The following PLPP1 variants were observed in gnomAD, a reference collection of about 807,000 sequenced individuals.
The protein encoded by PLPP1 is phospholipid phosphatase 1.
PLPP1 carries 24 observed loss-of-function variants against 31.2 expected under a neutral mutation model. The ratio of observed to expected loss-of-function variants is 0.77; its 90% CI spans 0.56 to 1.08. The LOEUF is 1.08. Ranked by LOEUF, PLPP1 falls within the 50% of genes least tolerant of loss-of-function variation. The probability of loss-of-function intolerance (pLI) is 0.00; values close to 1 mark genes in which losing one functional copy is unlikely to be tolerated. For missense variants in PLPP1, 319 were observed against 342.7 expected, an observed-to-expected ratio of 0.93 and a Z score of 0.55; for synonymous variants, 146 against 126.3, an observed-to-expected ratio of 1.16 and a Z score of -1.05.
intron 4 of PLPP1, among the ~76,000 whole-genome samples, chr5:55,430,360 G>A (rs572627382): frequency 3.2e-4 from 48 of 152,338 alleles, no homozygotes; most frequent in African/African-American, 1.1e-3. Context: ...TGCTCAGCCT[G>A]CTGCTGCCAC....
intron 1 of PLPP1, among the ~76,000 whole-genome samples, chr5:55,502,316 G>A (rs1303454931): frequency 3.9e-5 from 6 of 152,030 alleles, no homozygotes; most frequent in African/African-American, 1.2e-4. Flanking sequence ...GTGAAACCCC[G>A]TCTCTACGAA....
chr5:55,442,920 T>C (rs1184397767), intron 3 of PLPP1, among the ~76,000 whole-genome samples: 1 of 151,924 alleles, frequency 6.6e-6, no homozygotes, highest in Non-Finnish European at 1.5e-5. Context: ...ACAGTGAAAG[T>C]ATGCCACGAA....
intron 3 of PLPP1, among the ~76,000 whole-genome samples, chr5:55,449,543 A>C (rs1751850008): frequency 6.6e-6 from 1 of 152,114 alleles, no homozygotes; most frequent in Non-Finnish European, 1.5e-5. Context: ...CCTACCTACA[A>C]ACTCATGCCC....
At chr5:55,430,192 C>T (rs1030073495) in intron 4 of PLPP1, among the ~76,000 whole-genome samples, 3 of 152,136 alleles carry the variant, frequency 2.0e-5, no homozygotes, top group Admixed American at 6.5e-5. Context: ...TGCCACTGCC[C>T]GCACCACACC....
chr5:55,498,400 T>C (rs529030191), intron 1 of PLPP1, among the ~76,000 whole-genome samples: 22 of 51,844 alleles, frequency 4.2e-4, no homozygotes, highest in Admixed American at 1.1e-3. Context: ...TGTGTACATA[T>C]AGATGTGTGT....
At chr5:55,429,209 G>A (rs1459398440) in intron 4 of PLPP1, among the ~76,000 whole-genome samples, 2 of 135,472 alleles carry the variant, frequency 1.5e-5, no homozygotes, top group Non-Finnish European at 3.0e-5. Flanking sequence ...AGCTATGGTC[G>A]AGGACAGCAA....
At chr5:55,493,090 A>G (rs986818116) in intron 1 of PLPP1, among the ~76,000 whole-genome samples, 1 of 152,094 alleles carries the variant, frequency 6.6e-6, no homozygotes, top group Non-Finnish European at 1.5e-5. Flanking sequence ...AGGCAGAAGG[A>G]CCCCTTAAGT....
intron 5 of PLPP1, 68 bp from the exon 6 acceptor site, chr5:55,425,402 A>G: frequency 7.3e-7 from 1 of 1,377,144 alleles, no homozygotes; most frequent in Non-Finnish European, 1.0e-6. Flanking sequence ...GTTGTGATCA[A>G]CAGCATCCTA....
chr5:55,437,944 T>C (rs1393328807), intron 4 of PLPP1, among the ~76,000 whole-genome samples: 1 of 152,104 alleles, frequency 6.6e-6, no homozygotes, highest in Non-Finnish European at 1.5e-5. Context: ...TTAAGGAAAG[T>C]GGATAGTATG....
chr5:55,522,868 G>A (rs1043364646), intron 1 of PLPP1, among the ~76,000 whole-genome samples: 7 of 152,056 alleles, frequency 4.6e-5, no homozygotes, highest in African/African-American at 9.7e-5. Context: ...ACAGGCGCCC[G>A]CCACCACGCC....
intron 1 of PLPP1, among the ~76,000 whole-genome samples, chr5:55,483,117 A>AT (rs1752703685): frequency 6.6e-6 from 1 of 152,156 alleles, no homozygotes; most frequent in South Asian, 2.1e-4. Context: ...AGTAAAAGTG[A>AT]TTTTTTAAAA....
At chr5:55,458,906 A>AC (rs1752085439) in intron 3 of PLPP1, among the ~76,000 whole-genome samples, 1 of 144,080 alleles carries the variant, frequency 6.9e-6, no homozygotes, top group Admixed American at 7.2e-5. Flanking sequence ...AAAAAAAAAA[A>AC]AAAAAAAAAA....
chr5:55,459,219 G>A (rs374185637), intron 3 of PLPP1, among the ~76,000 whole-genome samples: 3 of 145,358 alleles, frequency 2.1e-5, no homozygotes, highest in South Asian at 4.9e-4. Flanking sequence ...TACCAAAAAG[G>A]AGCAATACAG....
At chr5:55,484,094 C>G (rs1752726696) in intron 1 of PLPP1, among the ~76,000 whole-genome samples, 1 of 152,118 alleles carries the variant, frequency 6.6e-6, no homozygotes. Context: ...GTCAGCCTGT[C>G]CTTGCATGGT....
chr5:55,517,570 G>C (rs950382095), intron 1 of PLPP1, among the ~76,000 whole-genome samples: 1 of 152,170 alleles, frequency 6.6e-6, no homozygotes, highest in Admixed American at 6.6e-5. Context: ...CTTCAAGTGA[G>C]TTGCTCCTTT....
chr5:55,518,779 A>G (rs1470075965), intron 1 of PLPP1, among the ~76,000 whole-genome samples: 1 of 152,182 alleles, frequency 6.6e-6, no homozygotes, highest in Admixed American at 6.5e-5. Flanking sequence ...CTGCTGCAAG[A>G]TGACTCTCCT....
chr5:55,433,164 A>T (rs1751403068), intron 4 of PLPP1, among the ~76,000 whole-genome samples: 2 of 142,496 alleles, frequency 1.4e-5, no homozygotes, highest in Non-Finnish European at 3.1e-5. Flanking sequence ...AAAAAAAAAA[A>T]TACAAAAAAT....
intron 4 of PLPP1, among the ~76,000 whole-genome samples, chr5:55,432,332 A>C (rs1249557168): frequency 6.6e-6 from 1 of 152,174 alleles, no homozygotes; most frequent in Non-Finnish European, 1.5e-5. Context: ...TCCAAGATTC[A>C]ATCAGGAAGA....
chr5:55,521,493 G>C (rs1417463725), intron 1 of PLPP1, among the ~76,000 whole-genome samples: 1 of 151,900 alleles, frequency 6.6e-6, no homozygotes, highest in Non-Finnish European at 1.5e-5. Context: ...ACTCAGCCTG[G>C]GCAACAGAGC....
Sources: gnomAD v4.1 joint callset for allele counts (sites outside exome capture counted in the v4.1 genomes callset) on GRCh38, gnomAD v4.1.1 for gene constraint, MANE v1.5 for transcripts, NCBI Gene and HGNC (gene_info 2026-07-23, HGNC 2026-07-21) for gene names.